EPHA3: variants seen among roughly 807,000 people sequenced by gnomAD.
The protein encoded by EPHA3 is ephrin type-A receptor 3.
Under a neutral mutation model 107.1 loss-of-function variants are expected in EPHA3, and 42 were observed. That is an observed-to-expected ratio of 0.39 (90% CI 0.31 to 0.51). EPHA3 has a LOEUF of 0.51. Ranked by LOEUF, EPHA3 falls within the 20% of genes least tolerant of loss-of-function variation. The probability of loss-of-function intolerance (pLI) is 0.78; values close to 1 mark genes in which losing one functional copy is unlikely to be tolerated. For synonymous variants in EPHA3, 461 were observed against 424.8 expected, an observed-to-expected ratio of 1.09 and a Z score of -1.05; for missense variants, 1,183 against 1,211.2, an observed-to-expected ratio of 0.98 and a Z score of 0.35.
intron 5 of EPHA3, among the ~76,000 whole-genome samples, chr3:89,395,391 T>C (rs1252209489): frequency 6.6e-6 from 1 of 152,228 alleles, no homozygotes; most frequent in Non-Finnish European, 1.5e-5. Context: ...GCATAATGGA[T>C]TCCAGTCCTC....
intron 3 of EPHA3, among the ~76,000 whole-genome samples, chr3:89,242,431 GTGTT>G (rs761309556): frequency 8.3e-4 from 126 of 151,994 alleles, no homozygotes; most frequent in African/African-American, 1.1e-3. Flanking sequence ...TTTTTGTTTT[GTGTT>G]TGTTTGTTTG....
chr3:89,118,403 T>G (rs1457938258), intron 1 of EPHA3, among the ~76,000 whole-genome samples: 1 of 151,894 alleles, frequency 6.6e-6, no homozygotes, highest in African/African-American at 2.4e-5. Context: ...TACTAAATGT[T>G]TTAATATTCC....
At chr3:89,177,853 C>T (rs550896987) in intron 2 of EPHA3, among the ~76,000 whole-genome samples, 5 of 152,218 alleles carry the variant, frequency 3.3e-5, no homozygotes, top group East Asian at 3.9e-4. Flanking sequence ...TTCCCTCACT[C>T]GTTTTATTCT....
At chr3:89,439,723 GCACACA>G (rs59868005) in intron 13 of EPHA3, among the ~76,000 whole-genome samples, 3,774 of 133,280 alleles carry the variant, frequency 0.028, 105 homozygotes, top group African/African-American at 0.071. Flanking sequence ...TCATATTAAG[GCACACA>G]CACACACACA....
intron 3 of EPHA3, among the ~76,000 whole-genome samples, chr3:89,306,194 A>G (rs1014179290): frequency 6.6e-6 from 1 of 152,160 alleles, no homozygotes; most frequent in African/African-American, 2.4e-5. Flanking sequence ...CCATTACACA[A>G]AAGATAAACC....
intron 3 of EPHA3, among the ~76,000 whole-genome samples, chr3:89,267,517 A>G (rs1186171746): frequency 6.6e-6 from 1 of 152,176 alleles, no homozygotes; most frequent in African/African-American, 2.4e-5. Flanking sequence ...CAGCCCTGCC[A>G]TTCCCCCTGG....
intron 5 of EPHA3, among the ~76,000 whole-genome samples, chr3:89,359,508 A>G (rs564254295): frequency 4.7e-5 from 7 of 150,488 alleles, no homozygotes; most frequent in Non-Finnish European, 8.9e-5. Flanking sequence ...AGGAGATTTT[A>G]TAATTTATGT....
chr3:89,325,382 C>T (rs2107387815), intron 3 of EPHA3, among the ~76,000 whole-genome samples: 1 of 152,190 alleles, frequency 6.6e-6, no homozygotes, highest in Middle Eastern at 3.4e-3. Flanking sequence ...ATACATTTTC[C>T]CGATAGAAGC....
At chr3:89,393,595 T>G (rs1708787637) in intron 5 of EPHA3, among the ~76,000 whole-genome samples, 1 of 152,170 alleles carries the variant, frequency 6.6e-6, no homozygotes, top group Admixed American at 6.5e-5. Flanking sequence ...TTAAGCTTCT[T>G]GAAATGCTCT....
At chr3:89,336,625 G>T (rs1326480229) in intron 3 of EPHA3, among the ~76,000 whole-genome samples, 1 of 152,134 alleles carries the variant, frequency 6.6e-6, no homozygotes, top group Admixed American at 6.6e-5. Flanking sequence ...GACAAGAAAT[G>T]GAAAATTTAC....
rs1705175392 is a variant in EPHA3 at position 89,251,956 on chromosome 3, T to C, written c.814+41436T>C. ...GCTGTATTTTGTTTTATTTTACTTT[T>C]TAAATGGAACAAGCATGGATAAAAG... On this transcript the variant is annotated intron_variant, in intron 3 of 16. Coordinates refer to ENST00000336596, the MANE Select transcript of EPHA3 (RefSeq NM_005233.6). Among the ~76,000 whole-genome samples, 3 of 152,154 alleles carry C rather than the reference T, an allele frequency of 2.0e-5. No homozygotes were observed. In the South Asian group the frequency reaches 6.2e-4, roughly 32 times the overall value.
Position 89,348,143 on chromosome 3 carries a change from G to A in EPHA3, c.1306+6053G>A, listed in dbSNP as rs1276009988. ...TGCTGGCCTCATAAAATGAGTTAGG[G>A]AGGATTCCCTCTTTTTCTATTGATT... On this transcript the variant is annotated intron_variant, in intron 5 of 16. Transcript: ENST00000336596. 4.9e-5 allele frequency among the ~76,000 whole-genome samples: 7 copies of A among 143,220 alleles called. No homozygotes were observed. In the East Asian group the frequency reaches 8.1e-4, roughly 17 times the overall value. The allele number at this position is 143,220 out of a possible 152,430, so 94.0% of individuals were successfully genotyped here.
chr3:89,303,372 A>G (rs1200110836), intron 3 of EPHA3, among the ~76,000 whole-genome samples: 2 of 150,432 alleles, frequency 1.3e-5, no homozygotes, highest in African/African-American at 4.9e-5. Flanking sequence ...ATAAATATAA[A>G]TATTATTTAT....
At chr3:89,383,606 A>G (rs1708552455) in intron 5 of EPHA3, among the ~76,000 whole-genome samples, 2 of 151,384 alleles carry the variant, frequency 1.3e-5, no homozygotes, top group South Asian at 4.2e-4. Context: ...ATAAGAAACA[A>G]AACTTCACAG....
At chr3:89,116,243 T>C (rs1707250125) in intron 1 of EPHA3, among the ~76,000 whole-genome samples, 1 of 152,098 alleles carries the variant, frequency 6.6e-6, no homozygotes. Context: ...ATACAGATAG[T>C]GAGGAAATTG....
chr3:89,115,492 C>T (rs1162315204), intron 1 of EPHA3, among the ~76,000 whole-genome samples: 1 of 152,048 alleles, frequency 6.6e-6, no homozygotes, highest in Non-Finnish European at 1.5e-5. Flanking sequence ...ATCGAGATAG[C>T]TTGGTGGGTG....
intron 3 of EPHA3, among the ~76,000 whole-genome samples, chr3:89,223,788 T>C (rs1704438690): frequency 6.6e-6 from 1 of 152,058 alleles, no homozygotes; most frequent in African/African-American, 2.4e-5. Flanking sequence ...TAGAATAATA[T>C]CTAAGAGTAA....
chr3:89,453,306 A>C (rs1207876496), intron 15 of EPHA3, among the ~76,000 whole-genome samples: 1 of 152,182 alleles, frequency 6.6e-6, no homozygotes. Context: ...ATCTAATACC[A>C]GTTTCACAGA....
chr3:89,412,517 A>C (rs1369804482), intron 9 of EPHA3, among the ~76,000 whole-genome samples: 1 of 151,572 alleles, frequency 6.6e-6, no homozygotes, highest in Non-Finnish European at 1.5e-5. Context: ...TGTATGTATT[A>C]TATATACACA....
Sources: allele counts gnomAD v4.1 joint callset (sites outside exome capture counted in the v4.1 genomes callset), GRCh38; gene constraint gnomAD v4.1.1; transcripts MANE v1.5; gene names NCBI Gene and HGNC (gene_info 2026-07-23, HGNC 2026-07-21).